Variants in GAD2 observed in about 807,000 individuals in gnomAD.
GAD2 encodes the protein 65 kDa glutamic acid decarboxylase.
In GAD2, 22 loss-of-function variants were observed where a neutral mutation model predicts 80.1. The ratio of observed to expected loss-of-function variants is 0.27; its 90% CI spans 0.20 to 0.39. The LOEUF is 0.39. Ranked by LOEUF, GAD2 falls within the 10% of genes least tolerant of loss-of-function variation. GAD2 has a pLI of 1.00. For missense variants in GAD2, 624 were observed against 738.4 expected, an observed-to-expected ratio of 0.85 and a Z score of 1.80; for synonymous variants, 274 against 256.9, an observed-to-expected ratio of 1.07 and a Z score of -0.64.
intron 10 of GAD2, among the ~76,000 whole-genome samples, chr10:26,271,411 G>A (rs891816464): frequency 6.6e-6 from 1 of 152,140 alleles, no homozygotes; most frequent in African/African-American, 2.4e-5. Context: ...AGGACCGAAG[G>A]GATTTAAGTT....
At chr10:26,293,091 T>TG (rs1264423530) in intron 15 of GAD2, 100 bp downstream of exon 15, 1 of 878,448 alleles carries the variant, frequency 1.1e-6, no homozygotes, top group African/African-American at 1.7e-5. Flanking sequence ...ACAGCCTACC[T>TG]GGGTACATGG....
At chr10:26,297,115 C>T (rs745438130) in intron 15 of GAD2, among the ~76,000 whole-genome samples, 10 of 151,940 alleles carry the variant, frequency 6.6e-5, no homozygotes, top group Non-Finnish European at 7.4e-5. Context: ...AGGGTTGGGA[C>T]GGGGTTTCAC....
At chr10:26,233,333 GT>G (rs1844629653) in intron 7 of GAD2, among the ~76,000 whole-genome samples, 1 of 152,200 alleles carries the variant, frequency 6.6e-6, no homozygotes, top group African/African-American at 2.4e-5. Context: ...ACCAGGAGCT[GT>G]TTTCTTAATG....
intron 8 of GAD2, among the ~76,000 whole-genome samples, chr10:26,267,241 T>G (rs1845083580): frequency 6.6e-6 from 1 of 152,214 alleles, no homozygotes; most frequent in Non-Finnish European, 1.5e-5. Context: ...CACTCTCAGT[T>G]TTCTTGTTTA....
At chr10:26,262,975 A>G (rs1173538946) in intron 8 of GAD2, among the ~76,000 whole-genome samples, 1 of 152,180 alleles carries the variant, frequency 6.6e-6, no homozygotes, top group African/African-American at 2.4e-5. Context: ...TGTCAGCTCT[A>G]ATACTACCCT....
intron 5 of GAD2, 61 bp from the exon 6 acceptor site, chr10:26,224,478 A>G: frequency 1.0e-6 from 1 of 960,352 alleles, no homozygotes; most frequent in Non-Finnish European, 1.7e-6. Context: ...TAGCTATTGT[A>G]ATGATTGTAA....
Position 26,303,792 on chromosome 10 carries a change from A to G in GAD2, c.*2831A>G, listed in dbSNP as rs1834353908. On this transcript the variant is annotated 3_prime_UTR_variant, in exon 16 of 16. Coordinates refer to ENST00000376261, the MANE Select transcript of GAD2 (RefSeq NM_001134366.2). ...AATCAATTCTGACTGTGTTGCCTTT[A>G]TTATCTGGATAATACTGTCTTGTCA... 6.6e-6 allele frequency: 1 copy of G among 152,218 alleles called. No homozygotes were observed. Among genetic ancestry groups the G allele is most frequent in the Non-Finnish European group, 1.5e-5 (1 of 68,060 alleles). 9.4% of individuals were successfully genotyped at this position (152,218 alleles called of 1,614,324 possible). A position where few individuals can be genotyped will look rare whatever the true frequency, so the allele number is the denominator to read the frequency against.
chr10:26,217,899 G>T lies in GAD2; in HGVS notation c.194G>T (p.Arg65Leu), dbSNP rs532766939. The stretch of plus-strand genomic sequence containing the variant: ...GAGAGCGGCGGGAGCCAACCCCCGC[G>T]GGCCGCCGCCCGGAAGGCCGCCTGC... ...PAESGGSQPP[R>L]AAARKAACAC... Residue 65 changes from arginine (R) to leucine (L), a missense_variant, in exon 3 of 16, where the codon CGG becomes CTG. Transcript: ENST00000376261. This position sits in a 1 kb window ranked among gnomAD's most constrained non-coding sequence, Gnocchi z 4.9. 6.2e-7 allele frequency: 1 copy of T among 1,608,486 alleles called. No individual in the cohort carries two copies. The highest frequency in any genetic ancestry group is 8.5e-7 in the Non-Finnish European group (1 of 1,177,748).
At chr10:26,281,778 C>T (rs565776440) in intron 12 of GAD2, among the ~76,000 whole-genome samples, 2 of 152,300 alleles carry the variant, frequency 1.3e-5, no homozygotes, top group East Asian at 3.9e-4. Context: ...GCCACTACAT[C>T]TGCCTTCCGT....
At chr10:26,257,638 ACTACTAGTAGGTATTAG>A (rs1844959957) in intron 8 of GAD2, among the ~76,000 whole-genome samples, 1 of 152,034 alleles carries the variant, frequency 6.6e-6, no homozygotes, top group Non-Finnish European at 1.5e-5. Context: ...TTTTATACCT[ACTACTAGTAGGTATTAG>A]CTACTAGTAC....
At chr10:26,249,305 G>C (rs191721216) in intron 8 of GAD2, among the ~76,000 whole-genome samples, 2 of 152,256 alleles carry the variant, frequency 1.3e-5, no homozygotes, top group Admixed American at 1.3e-4. Context: ...GAGATGATCC[G>C]TCCGCCTCGG....
intron 15 of GAD2, among the ~76,000 whole-genome samples, chr10:26,293,586 G>C (rs191540595): frequency 4.9e-4 from 75 of 152,306 alleles, no homozygotes; most frequent in African/African-American, 1.7e-3. Context: ...AAAGCAACAA[G>C]GACGTTGCTG....
chr10:26,294,819 G>A (rs1834255836), intron 15 of GAD2, among the ~76,000 whole-genome samples: 1 of 152,090 alleles, frequency 6.6e-6, no homozygotes, highest in South Asian at 2.1e-4. Context: ...AGGGGGTGCG[G>A]GTGTCTGCTG....
chr10:26,251,056 CTTT>C (rs60993936), intron 8 of GAD2, among the ~76,000 whole-genome samples: 1 of 119,846 alleles, frequency 8.3e-6, no homozygotes, highest in Non-Finnish European at 1.7e-5. Context: ...TTTTTTTTTG[CTTT>C]TTTTTTTTTT....
chr10:26,230,425 TTTTG>T (rs113492564), intron 7 of GAD2, among the ~76,000 whole-genome samples: 15 of 151,812 alleles, frequency 9.9e-5, no homozygotes, highest in East Asian at 7.8e-4. Flanking sequence ...CCTTGAGCCT[TTTTG>T]TTTGTTTGTT....
At chr10:26,264,843 T>G (rs939071638) in intron 8 of GAD2, among the ~76,000 whole-genome samples, 3 of 152,128 alleles carry the variant, frequency 2.0e-5, no homozygotes, top group African/African-American at 7.2e-5. Flanking sequence ...TGCACTCACG[T>G]TTTTAGGAAT....
chr10:26,281,115 G>C, intron 12 of GAD2, 28 bp downstream of exon 12: 1 of 1,518,050 alleles, frequency 6.6e-7, no homozygotes, highest in Non-Finnish European at 9.1e-7. Flanking sequence ...CTGTGTCCCA[G>C]TCCGTGCGTG....
In GAD2 at chr10:26,228,031, C is replaced by G. The variant is rs1007929029; in HGVS notation, c.725-1631C>G. On this transcript the variant is annotated intron_variant, in intron 6 of 15. Transcript: ENST00000376261. Reference sequence around the variant, plus strand: ...AGGTCATACCCCTGCCTGGGCCATTCAGCTTGACATGGAGCCCTCCTGCTC... The same window carrying G: ...AGGTCATACCCCTGCCTGGGCCATTGAGCTTGACATGGAGCCCTCCTGCTC... Among the ~76,000 whole-genome samples, 2 of 152,226 alleles carry G rather than the reference C, an allele frequency of 1.3e-5. 1 individual carries two copies. The highest frequency in any genetic ancestry group is 2.9e-5 in the Non-Finnish European group (2 of 68,042).
chr10:26,269,271 G>T, intron 9 of GAD2, 98 bp downstream of exon 9: 1 of 938,026 alleles, frequency 1.1e-6, no homozygotes, highest in South Asian at 1.8e-5. Context: ...GAGGATCCAA[G>T]CCTCAATCTC....
Sources: gnomAD v4.1 joint callset for allele counts (sites outside exome capture counted in the v4.1 genomes callset) on GRCh38, gnomAD v4.1.1 for gene constraint, Gnocchi (gnomAD v3.1) non-coding constraint, MANE v1.5 for transcripts, NCBI Gene and HGNC (gene_info 2026-07-23, HGNC 2026-07-21) for gene names.